The following SSUH2 variants were observed in gnomAD, a reference collection of about 807,000 sequenced individuals.
SSUH2 encodes the protein ssu-2 homolog, also known as protein SSUH2 homolog.
A neutral mutation model predicts 55.3 loss-of-function variants in SSUH2; 47 were observed. The ratio of observed to expected loss-of-function variants is 0.85; its 90% CI spans 0.67 to 1.08. The LOEUF (loss-of-function observed/expected upper bound fraction) is 1.08. Ranked by LOEUF, SSUH2 falls within the 50% of genes least tolerant of loss-of-function variation. The pLI is 0.00. For missense variants in SSUH2, 535 were observed against 490.7 expected, an observed-to-expected ratio of 1.09 and a Z score of -0.85; for synonymous variants, 212 against 191.5, an observed-to-expected ratio of 1.11 and a Z score of -0.89.
At position 8,677,474 on chromosome 3, in the gene SSUH2, G is replaced by A. The variant is rs543320318; in HGVS notation, c.-900-121C>T. 10 of 150,886 alleles carry A rather than the reference G, an allele frequency of 6.6e-5. 1 individual carries two copies. The highest frequency in any genetic ancestry group is 2.4e-4 in the African/African-American group (10 of 41,100). 9.3% of individuals were successfully genotyped at this position (150,886 alleles called of 1,614,324 possible). A position where few individuals can be genotyped will look rare whatever the true frequency, so the allele number is the denominator to read the frequency against. The stretch of plus-strand genomic sequence containing the variant: ...GAGGTCACAAAGGGGGCGGGGACCA[G>A]GAACCTTTGGAATGGGGATCCCAAC... On this transcript the variant is annotated intron_variant, in intron 2 of 18. Coordinates refer to the SSUH2 transcript ENST00000317371.
At chr3:8,631,395 A>T (rs1449883971) in intron 5 of SSUH2, among the ~76,000 whole-genome samples, 1 of 151,808 alleles carries the variant, frequency 6.6e-6, no homozygotes, top group Admixed American at 6.6e-5. Flanking sequence ...TCAAGGAGAC[A>T]GACAGCACAC....
At chr3:8,664,683 C>T (rs983047581) in intron 5 of SSUH2, among the ~76,000 whole-genome samples, 4 of 152,150 alleles carry the variant, frequency 2.6e-5, no homozygotes, top group Admixed American at 1.3e-4. Context: ...GGCCCAGATC[C>T]GGCTCCCAGC....
chr3:8,620,818 T>C (rs1280449786), intron 11 of SSUH2, among the ~76,000 whole-genome samples: 1 of 152,234 alleles, frequency 6.6e-6, no homozygotes, highest in African/African-American at 2.4e-5. Context: ...GTTTCTAACA[T>C]TTGAATCAAA....
At chr3:8,663,405 A>T (rs1703687325) in intron 6 of SSUH2, among the ~76,000 whole-genome samples, 1 of 152,360 alleles carries the variant, frequency 6.6e-6, no homozygotes, top group African/African-American at 2.4e-5. Context: ...CTGGAACTGA[A>T]ACTCTTTACT....
chr3:8,656,601 C>A (rs1478492397), intron 7 of SSUH2, among the ~76,000 whole-genome samples: 2 of 152,186 alleles, frequency 1.3e-5, no homozygotes, highest in Admixed American at 6.5e-5. Context: ...AAGACACAAC[C>A]CCTGCCCATG....
chr3:8,653,552 T>C (rs1176507800), intron 7 of SSUH2, among the ~76,000 whole-genome samples: 2 of 152,240 alleles, frequency 1.3e-5, no homozygotes, highest in East Asian at 3.8e-4. Context: ...TTTTACCTTG[T>C]TCATTTTATT....
intron 2 of SSUH2, among the ~76,000 whole-genome samples, chr3:8,678,691 C>A (rs557555802): frequency 4.4e-4 from 19 of 43,474 alleles, no homozygotes; most frequent in Non-Finnish European, 7.3e-4. Context: ...GAGCCAGCCA[C>A]TCTTCCCCTC....
Position 8,635,348 on chromosome 3 carries a change from G to A in SSUH2, c.161C>T (p.Pro54Leu), listed in dbSNP as rs1195967275. The A allele has an allele frequency of 3.9e-6, 6 of 1,535,988 alleles. No individual in the cohort carries two copies. The South Asian group carries it at 4.8e-5, about 12-fold the overall frequency. The stretch of plus-strand genomic sequence containing the variant: ...GGACCTTTGCTCCTGGGGCCTCCCT[G>A]GGGCCTCCAAAGGTGGGAAGAATAT... ...GQIFFPPLEA[P>L]GRPQEQRSWP... Residue 54 changes from proline (P) to leucine (L), a missense_variant, in exon 3 of 12, where the codon CCA (proline) becomes CTA (leucine). Coordinates refer to ENST00000544814, the MANE Select transcript of SSUH2 (RefSeq NM_001256748.3).
At chr3:8,650,720 TG>T (rs971024178) in intron 7 of SSUH2, among the ~76,000 whole-genome samples, 26 of 152,206 alleles carry the variant, frequency 1.7e-4, no homozygotes, top group African/African-American at 6.0e-4. Context: ...CCCTGGAAGC[TG>T]GGACTACAGG....
intron 5 of SSUH2, among the ~76,000 whole-genome samples, chr3:8,667,575 T>A (rs1478643837): frequency 6.6e-6 from 1 of 152,190 alleles, no homozygotes; most frequent in Admixed American, 6.5e-5. Context: ...CAGGCCACCC[T>A]CCAGGAATCA....
chr3:8,672,688 T>A (rs1704729676), intron 3 of SSUH2, among the ~76,000 whole-genome samples: 1 of 151,894 alleles, frequency 6.6e-6, no homozygotes, highest in Non-Finnish European at 1.5e-5. Context: ...CCTGCGATAT[T>A]TCGAGTAATA....
intron 3 of SSUH2, among the ~76,000 whole-genome samples, chr3:8,675,516 G>C: frequency 6.6e-6 from 1 of 152,218 alleles, no homozygotes. Flanking sequence ...AGGCGTCCAA[G>C]AAGAAAGCTC....
chr3:8,644,193 C>T (rs528465804), intron 1 of SSUH2, among the ~76,000 whole-genome samples: 1 of 152,216 alleles, frequency 6.6e-6, no homozygotes, highest in African/African-American at 2.4e-5. Flanking sequence ...CGATAATGAA[C>T]GAACTGGCCG....
chr3:8,673,315 A>T (rs954935827), intron 3 of SSUH2, among the ~76,000 whole-genome samples: 8 of 152,096 alleles, frequency 5.3e-5, no homozygotes, highest in African/African-American at 1.9e-4. Flanking sequence ...TTAATTAATA[A>T]TTGAGATTAT....
At chr3:8,639,766 A>G (rs1700528092) in intron 1 of SSUH2, among the ~76,000 whole-genome samples, 1 of 152,214 alleles carries the variant, frequency 6.6e-6, no homozygotes, top group African/African-American at 2.4e-5. Context: ...AAGCGTGCTC[A>G]AAGGGCTTCC....
At chr3:8,631,756 G>A (rs771773179) in intron 5 of SSUH2, among the ~76,000 whole-genome samples, 8 of 152,024 alleles carry the variant, frequency 5.3e-5, no homozygotes, top group Admixed American at 6.6e-5. Context: ...GCTTAGACAC[G>A]CATGCTGCTT....
At chr3:8,679,634 A>G (rs796348304) in intron 2 of SSUH2, 4 of 162,294 alleles carry the variant, frequency 2.5e-5, no homozygotes, top group East Asian at 2.4e-4. Flanking sequence ...GAGGCGGGGA[A>G]TGAGAGCCAG....
At chr3:8,652,304 T>A (rs1702504169) in intron 7 of SSUH2, among the ~76,000 whole-genome samples, 1 of 152,242 alleles carries the variant, frequency 6.6e-6, no homozygotes, top group South Asian at 2.1e-4. Flanking sequence ...TCAGGTGCTC[T>A]GTGATCAGGA....
rs1698356197 is a variant in SSUH2 at position 8,629,656 on chromosome 3, T to C, written c.588+8A>G. 1 of 1,614,096 alleles carries C rather than the reference T, an allele frequency of 6.2e-7. No individual in the cohort carries two copies. Among genetic ancestry groups the C allele is most frequent in the Non-Finnish European group, 8.5e-7 (1 of 1,179,986 alleles). On this transcript the variant is annotated splice_region_variant and intron_variant, in intron 7 of 11. Coordinates refer to ENST00000544814, the MANE Select transcript of SSUH2 (RefSeq NM_001256748.3). ...CACTGACTCACCAGTGGTTCACAGA[T>C]GACTCACCGTGCCCGCCCCGTGGCA...
Sources: gnomAD v4.1 joint callset for allele counts (sites outside exome capture counted in the v4.1 genomes callset) on GRCh38, gnomAD v4.1.1 for gene constraint, MANE v1.5 for transcripts, NCBI Gene and HGNC (gene_info 2026-07-23, HGNC 2026-07-21) for gene names.